Variants in PTPRD observed in about 807,000 individuals in gnomAD.
PTPRD encodes receptor-type tyrosine-protein phosphatase delta.
A neutral mutation model predicts 214.5 loss-of-function variants in PTPRD; 34 were observed. The ratio of observed to expected loss-of-function variants is 0.16; its 90% CI spans 0.12 to 0.21. PTPRD has a LOEUF of 0.21. Among genes scored for constraint, PTPRD ranks in the 10% least tolerant of loss-of-function variants. The pLI, the probability that PTPRD is intolerant of heterozygous loss-of-function variation, is 1.00. For synonymous variants in PTPRD, 1,128 were observed against 845.7 expected, an observed-to-expected ratio of 1.33 and a Z score of -5.79; for missense variants, 2,545 against 2,398.7, an observed-to-expected ratio of 1.06 and a Z score of -1.27.
rs190664918 is a variant in PTPRD at position 9,512,907 on chromosome 9, T to C, written c.-237+61825A>G. On this transcript the variant is annotated intron_variant, in intron 8 of 45. Transcript: ENST00000381196. ...CACAATAATAATCACGAGTAATCAT[T>C]ACTAATGAGAAATATAACAGATTTT... Among the ~76,000 whole-genome samples, 364 of 151,922 alleles carry C rather than the reference T, an allele frequency of 2.4e-3. 4 individuals are homozygous for C. The highest frequency in any genetic ancestry group is 8.2e-3 in the African/African-American group (340 of 41,500).
intron 3 of PTPRD, among the ~76,000 whole-genome samples, chr9:10,333,921 G>A (rs567539985): frequency 2.0e-5 from 3 of 151,798 alleles, no homozygotes; most frequent in Non-Finnish European, 4.4e-5. Context: ...TTCTGTTGTT[G>A]AAGAAAATTT....
chr9:9,190,679 G>C (rs1348356579), intron 9 of PTPRD, among the ~76,000 whole-genome samples: 1 of 152,108 alleles, frequency 6.6e-6, no homozygotes, highest in Non-Finnish European at 1.5e-5. Context: ...TGAGAACTGT[G>C]AGCCAGTAGA....
intron 11 of PTPRD, among the ~76,000 whole-genome samples, chr9:8,944,032 G>C (rs757892007): frequency 1.3e-5 from 2 of 151,852 alleles, no homozygotes; most frequent in Non-Finnish European, 2.9e-5. Context: ...GAATATGTAA[G>C]GAGCTCAAAC....
chr9:10,443,139 A>G (rs2098772700), intron 2 of PTPRD, among the ~76,000 whole-genome samples: 1 of 151,290 alleles, frequency 6.6e-6, no homozygotes, highest in Admixed American at 6.6e-5. Flanking sequence ...TATTAGAGAT[A>G]GAGTCATGTG....
chr9:9,096,748 A>G (rs1344653117), intron 10 of PTPRD, among the ~76,000 whole-genome samples: 1 of 152,180 alleles, frequency 6.6e-6, no homozygotes, highest in Non-Finnish European at 1.5e-5. Context: ...TAAATTAGCA[A>G]AAAAGTATTA....
At chr9:10,122,119 C>T (rs2098780683) in intron 3 of PTPRD, among the ~76,000 whole-genome samples, 1 of 152,102 alleles carries the variant, frequency 6.6e-6, no homozygotes, top group South Asian at 2.1e-4. Flanking sequence ...ACCAGCCTGG[C>T]CAACATGGTG....
chr9:10,287,811 G>A (rs59381518), intron 3 of PTPRD, among the ~76,000 whole-genome samples: 12,254 of 152,004 alleles, frequency 0.081, 752 homozygotes, highest in African/African-American at 0.16. Context: ...TCCTTAGGCA[G>A]GAAAGAAATT....
chr9:10,071,837 A>G (rs983606504), intron 3 of PTPRD, among the ~76,000 whole-genome samples: 3 of 152,012 alleles, frequency 2.0e-5, no homozygotes, highest in African/African-American at 7.2e-5. Context: ...CACCTTGACA[A>G]TTATGAGAAT....
intron 3 of PTPRD, among the ~76,000 whole-genome samples, chr9:10,037,774 A>C (rs2154138778): frequency 6.6e-6 from 1 of 152,306 alleles, no homozygotes. Flanking sequence ...TGCAACTTTA[A>C]TATCTAGAAA....
At chr9:8,508,629 A>C (rs866062526) in intron 21 of PTPRD, among the ~76,000 whole-genome samples, 2 of 152,234 alleles carry the variant, frequency 1.3e-5, no homozygotes, top group African/African-American at 4.8e-5. Context: ...AAAAACATCT[A>C]AAGTGTGCTT....
intron 8 of PTPRD, among the ~76,000 whole-genome samples, chr9:9,556,001 C>T (rs978888337): frequency 1.3e-5 from 2 of 152,022 alleles, no homozygotes; most frequent in Non-Finnish European, 1.5e-5. Flanking sequence ...ACAGTTGACC[C>T]TTGAACAATG....
At chr9:10,595,188 A>G (rs2076328640) in intron 2 of PTPRD, among the ~76,000 whole-genome samples, 1 of 151,950 alleles carries the variant, frequency 6.6e-6, no homozygotes, top group Non-Finnish European at 1.5e-5. Context: ...TATTGTGTCT[A>G]CAGAAATCCA....
intron 8 of PTPRD, among the ~76,000 whole-genome samples, chr9:9,461,465 A>G (rs551910460): frequency 6.6e-6 from 1 of 152,224 alleles, no homozygotes; most frequent in South Asian, 2.1e-4. Flanking sequence ...ATTTAATGGA[A>G]TTAGAGTAGA....
At chr9:10,599,727 T>A (rs116644821) in intron 2 of PTPRD, among the ~76,000 whole-genome samples, 58 of 151,944 alleles carry the variant, frequency 3.8e-4, no homozygotes, top group African/African-American at 1.4e-3. Flanking sequence ...TTTACACATA[T>A]TGAAATGATT....
intron 14 of PTPRD, among the ~76,000 whole-genome samples, chr9:8,627,785 T>C (rs200194711): frequency 1.3e-5 from 2 of 151,882 alleles, no homozygotes; most frequent in East Asian, 3.9e-4. Context: ...TCATAGACTA[T>C]CCACATGGGC....
intron 2 of PTPRD, among the ~76,000 whole-genome samples, chr9:10,385,811 G>T (rs10738163): frequency 0.88 from 133,063 of 151,796 alleles, 58,393 homozygotes; most frequent in African/African-American, 0.93. Flanking sequence ...CTGGTGAAAG[G>T]TGATAGATGG....
At chr9:9,275,157 A>G (rs1470414214) in intron 9 of PTPRD, among the ~76,000 whole-genome samples, 1 of 55,106 alleles carries the variant, frequency 1.8e-5, no homozygotes, top group Non-Finnish European at 2.9e-5. Flanking sequence ...AATATATTAT[A>G]TATATAACAT....
chr9:9,529,198 C>T (rs1215612166), intron 8 of PTPRD, among the ~76,000 whole-genome samples: 1 of 151,018 alleles, frequency 6.6e-6, no homozygotes, highest in African/African-American at 2.4e-5. Flanking sequence ...TCCCAAAGTG[C>T]TGGAATTACA....
chr9:10,065,849 T>C (rs1378916321), intron 3 of PTPRD, among the ~76,000 whole-genome samples: 3 of 151,522 alleles, frequency 2.0e-5, no homozygotes, highest in Non-Finnish European at 4.4e-5. Context: ...CTGGGGGGAG[T>C]GGGCTGAGAC....
Sources: gnomAD v4.1 joint callset for allele counts (sites outside exome capture counted in the v4.1 genomes callset) on GRCh38, gnomAD v4.1.1 for gene constraint, MANE v1.5 for transcripts, NCBI Gene and HGNC (gene_info 2026-07-23, HGNC 2026-07-21) for gene names.